DEK: variants seen among roughly 807,000 people sequenced by gnomAD.
The protein encoded by DEK is protein DEK.
A neutral mutation model predicts 46.8 loss-of-function variants in DEK; 28 were observed. The observed-to-expected ratio is 0.60, with a 90% CI of 0.44 to 0.82. DEK has a LOEUF of 0.82. DEK is among the 40% of genes least tolerant of loss of function. The pLI, the probability that DEK is intolerant of heterozygous loss-of-function variation, is 0.00. For missense variants in DEK, 416 were observed against 430.6 expected (o/e 0.97, Z 0.30); for synonymous variants, 160 against 144.5 (o/e 1.11, Z -0.77).
intron 2 of DEK, among the ~76,000 whole-genome samples, chr6:18,263,469 G>C (rs372988021): frequency 1.3e-5 from 2 of 151,394 alleles, no homozygotes; most frequent in South Asian, 4.2e-4. Context: ...TAATGAAAAG[G>C]ACAAAATTAG....
intron 7 of DEK, among the ~76,000 whole-genome samples, chr6:18,245,519 C>G (rs538155560): frequency 6.6e-6 from 1 of 152,118 alleles, no homozygotes. Flanking sequence ...TTCATACTTT[C>G]GAGATACGTA....
intron 7 of DEK, among the ~76,000 whole-genome samples, chr6:18,245,131 A>G (rs1217003664): frequency 6.6e-6 from 1 of 152,232 alleles, no homozygotes; most frequent in Non-Finnish European, 1.5e-5. Context: ...ATGTATATGG[A>G]GATCTCTGGT....
intron 9 of DEK, among the ~76,000 whole-genome samples, chr6:18,226,773 AAAAG>A (rs745888579): frequency 3.9e-5 from 6 of 152,130 alleles, no homozygotes; most frequent in African/African-American, 9.7e-5. Context: ...GAGTGTGGGG[AAAAG>A]AAAGAGAGAT....
At position 18,255,789 on chromosome 6, in the gene DEK, T is replaced by C. The variant is rs750560767; in HGVS notation, c.515A>G (p.Asn172Ser). Residue 172 changes from asparagine to serine, a missense_variant, in exon 6 of 11, where the codon AAT becomes AGT. Physicochemically the swap from Asn to Ser is conservative, Grantham distance 46. Coordinates refer to ENST00000652689, the MANE Select transcript of DEK (RefSeq NM_003472.4). ...EVLDLERSGV[N>S]SELVKRILNF... Reference sequence around the variant, plus strand: ...CAAGATCCTCTTCACTAGTTCACTATTTACACCTGATCTCTCCAAATCAAG... The same window carrying C: ...CAAGATCCTCTTCACTAGTTCACTACTTACACCTGATCTCTCCAAATCAAG... 6.2e-7 allele frequency: 1 copy of C among 1,612,926 alleles called. No homozygotes were observed. The highest frequency in any genetic ancestry group is 1.7e-5 in the Admixed American group (1 of 59,836).
At chr6:18,257,929 G>C in intron 4 of DEK, 24 bp downstream of exon 4, 1 of 1,516,700 alleles carries the variant, frequency 6.6e-7, no homozygotes. Flanking sequence ...ATACAAGTAG[G>C]TTTAAAGTGT....
Position 18,225,630 on chromosome 6 carries a change from G to A in DEK, c.*89C>T. 6.9e-7 allele frequency: 1 copy of A among 1,455,132 alleles called. No homozygotes were observed. Among genetic ancestry groups the A allele is most frequent in the Non-Finnish European group, 9.4e-7 (1 of 1,067,708 alleles). 90.1% of individuals were successfully genotyped at this position (1,455,132 alleles called of 1,614,324 possible). On this transcript the variant is annotated 3_prime_UTR_variant, in exon 11 of 11. Transcript: ENST00000652689. ...ACTAACGTTGCTTAACAAGGATTTA[G>A]AAAAGGAAATACATTCTCTTTGCTG...
chr6:18,229,580 T>C (rs1213338918), intron 9 of DEK, among the ~76,000 whole-genome samples: 3 of 152,126 alleles, frequency 2.0e-5, no homozygotes, highest in African/African-American at 4.8e-5. Context: ...ACGTGATGCA[T>C]GCACAAGCTT....
chr6:18,243,500 T>C (rs1376336792), intron 7 of DEK, among the ~76,000 whole-genome samples: 1 of 152,148 alleles, frequency 6.6e-6, no homozygotes, highest in Non-Finnish European at 1.5e-5. Flanking sequence ...CTCTCATTGC[T>C]CTACTTCTGG....
At chr6:18,238,614 T>C (rs918434984) in intron 7 of DEK, among the ~76,000 whole-genome samples, 1 of 151,380 alleles carries the variant, frequency 6.6e-6, no homozygotes, top group African/African-American at 2.4e-5. Flanking sequence ...AGAGAATTGC[T>C]TGAACCCTGG....
intron 6 of DEK, 50 bp downstream of exon 6, chr6:18,255,679 TAA>T (rs1791566305): frequency 1.3e-5 from 21 of 1,559,610 alleles, no homozygotes; most frequent in Non-Finnish European, 1.7e-5. Flanking sequence ...TTGTTTCATA[TAA>T]AGAGGCTATG....
At chr6:18,248,232 T>C (rs1791211091) in intron 7 of DEK, among the ~76,000 whole-genome samples, 1 of 152,128 alleles carries the variant, frequency 6.6e-6, no homozygotes, top group African/African-American at 2.4e-5. Context: ...ACAGTAATAA[T>C]CCAATATAGA....
chr6:18,225,919 T>A, intron 10 of DEK, 189 bp from the exon 11 acceptor site: 1 of 730,826 alleles, frequency 1.4e-6, no homozygotes, highest in East Asian at 2.8e-5. Context: ...GAGAGCAACG[T>A]TGAGATGCCC....
At chr6:18,264,166 T>G (rs1400715438) in intron 1 of DEK, 170 bp from the exon 2 acceptor site, 8 of 501,908 alleles carry the variant, frequency 1.6e-5, no homozygotes, top group Middle Eastern at 5.3e-4. Context: ...TCCCTCCCGC[T>G]CCGCCGCCGC....
intron 6 of DEK, among the ~76,000 whole-genome samples, chr6:18,251,263 T>A (rs1791363930): frequency 6.6e-6 from 1 of 152,216 alleles, no homozygotes; most frequent in Non-Finnish European, 1.5e-5. Flanking sequence ...TAAAATTCCA[T>A]AACATAACCT....
At chr6:18,237,970 C>T (rs184646283) in intron 7 of DEK, among the ~76,000 whole-genome samples, 12 of 149,334 alleles carry the variant, frequency 8.0e-5, no homozygotes, top group East Asian at 2.0e-4. Context: ...CGGGTTCAAG[C>T]GAATTCTCCT....
chr6:18,260,870 G>A (rs576123522), intron 2 of DEK, among the ~76,000 whole-genome samples: 8 of 151,764 alleles, frequency 5.3e-5, no homozygotes, highest in African/African-American at 1.5e-4. Context: ...GCATGGTGGC[G>A]CATGCCTGTG....
chr6:18,256,074 A>G (rs184800451), intron 5 of DEK, among the ~76,000 whole-genome samples: 94 of 150,790 alleles, frequency 6.2e-4, no homozygotes, highest in African/African-American at 2.3e-3. Context: ...CGCAACCTCC[A>G]CCTCCCAGGT....
intron 8 of DEK, chr6:18,236,931 A>C (rs1790677641): frequency 5.0e-6 from 1 of 201,492 alleles, no homozygotes; most frequent in African/African-American, 2.3e-5. Flanking sequence ...GGTCGCAGTC[A>C]AAACTTGGTT....
intron 7 of DEK, among the ~76,000 whole-genome samples, chr6:18,241,450 A>G (rs1435467014): frequency 2.0e-5 from 3 of 152,202 alleles, no homozygotes; most frequent in Admixed American, 1.3e-4. Context: ...TACCTCCTCT[A>G]AATCTTTCAC....
Sources: gnomAD v4.1 joint callset for allele counts (sites outside exome capture counted in the v4.1 genomes callset) on GRCh38, gnomAD v4.1.1 for gene constraint, MANE v1.5 for transcripts, NCBI Gene and HGNC (gene_info 2026-07-23, HGNC 2026-07-21) for gene names.